The following HFM1 variants were observed in gnomAD, a reference collection of about 807,000 sequenced individuals.
HFM1 encodes helicase for meiosis 1.
In HFM1, 169 loss-of-function variants were observed where a neutral mutation model predicts 192.1. The observed-to-expected ratio is 0.88, with a 90% CI of 0.78 to 1.00. The LOEUF is 1.00. Ranked by LOEUF, HFM1 falls within the 50% of genes least tolerant of loss-of-function variation. The probability of loss-of-function intolerance (pLI) is 0.00; values close to 1 mark genes in which losing one functional copy is unlikely to be tolerated. For synonymous variants in HFM1, 525 were observed against 537.8 expected (o/e 0.98, Z 0.33); for missense variants, 1,661 against 1,668.0 (o/e 1.00, Z 0.07).
intron 13 of HFM1, 22 bp from the exon 14 acceptor site, chr1:91,353,321 T>G (rs201271285): frequency 3.6e-6 from 5 of 1,390,134 alleles, no homozygotes; most frequent in Non-Finnish European, 5.0e-6. Context: ...TACCATAAAA[T>G]TATTGAGTTA....
At chr1:91,305,577 C>CT (rs1040368753) in intron 30 of HFM1, among the ~76,000 whole-genome samples, 30 of 148,072 alleles carry the variant, frequency 2.0e-4, no homozygotes, top group Admixed American at 5.4e-4. Context: ...CTTTTTTTTT[C>CT]TTTTTTTTGA....
intron 28 of HFM1, 77 bp downstream of exon 28, chr1:91,315,738 A>AT: frequency 9.5e-7 from 1 of 1,054,580 alleles, no homozygotes; most frequent in African/African-American, 1.6e-5. Context: ...TGATCTTGTT[A>AT]TTTTTTTTTC....
In HFM1 at chr1:91,349,058, C is replaced by G. The variant is rs533173141; in HGVS notation, c.2207-1582G>C. ...ATACCAGCACTTTGGGAGGCCAAGG[C>G]AGGTGGATCACCTGAGATCAGGAGT... On this transcript the variant is annotated intron_variant, in intron 18 of 38. Transcript: ENST00000370425. 2.6e-5 allele frequency among the ~76,000 whole-genome samples: 4 copies of G among 152,242 alleles called. No homozygotes were observed. In the South Asian group the frequency reaches 8.3e-4, roughly 32 times the overall value.
intron 16 of HFM1, among the ~76,000 whole-genome samples, 172 bp from the exon 17 acceptor site, chr1:91,351,815 C>G (rs1474688874): frequency 6.6e-6 from 1 of 151,812 alleles, no homozygotes; most frequent in African/African-American, 2.4e-5. Context: ...AATTTAAAAG[C>G]CTTCCAAGAG....
At chr1:91,320,720 GCT>G (rs1275378208) in intron 23 of HFM1, among the ~76,000 whole-genome samples, 2 of 152,090 alleles carry the variant, frequency 1.3e-5, no homozygotes, top group African/African-American at 2.4e-5. Context: ...CCATGGCAGG[GCT>G]CTCTGTTTCT....
chr1:91,373,522 C>T (rs1238182762), intron 13 of HFM1, among the ~76,000 whole-genome samples: 2 of 151,906 alleles, frequency 1.3e-5, no homozygotes, highest in Admixed American at 6.6e-5. Context: ...ATTGTAATCT[C>T]CAGTATTGAA....
chr1:91,385,878 C>T (rs1662147556), intron 4 of HFM1, 44 bp from the exon 5 acceptor site: 2 of 1,518,626 alleles, frequency 1.3e-6, no homozygotes, highest in Admixed American at 4.0e-5. Flanking sequence ...ACGTGTAACA[C>T]TTGCTTGGAA....
intron 23 of HFM1, 55 bp from the exon 24 acceptor site, chr1:91,319,445 T>A (rs1651763610): frequency 9.3e-7 from 1 of 1,080,660 alleles, no homozygotes; most frequent in Non-Finnish European, 1.4e-6. Flanking sequence ...TATCTCCCAG[T>A]ATTTGATATC....
At chr1:91,379,522 T>A (rs977706170) in intron 8 of HFM1, among the ~76,000 whole-genome samples, 1 of 152,068 alleles carries the variant, frequency 6.6e-6, no homozygotes, top group African/African-American at 2.4e-5. Flanking sequence ...TGTCGTAAGT[T>A]TACAAATTTG....
chr1:91,274,612 A>G (rs1666627397), intron 33 of HFM1, 118 bp downstream of exon 33: 1 of 522,622 alleles, frequency 1.9e-6, no homozygotes, highest in South Asian at 3.3e-5. Flanking sequence ...CTATGGAACT[A>G]AACGATAACT....
chr1:91,283,632 T>C (rs538981786), intron 30 of HFM1, among the ~76,000 whole-genome samples: 14 of 152,334 alleles, frequency 9.2e-5, no homozygotes, highest in Non-Finnish European at 1.8e-4. Context: ...GCAAATATTT[T>C]CATAGTTTTG....
intron 30 of HFM1, 89 bp from the exon 31 acceptor site, chr1:91,277,151 T>A (rs1258586563): frequency 1.2e-4 from 74 of 640,942 alleles, no homozygotes; most frequent in Non-Finnish European, 1.8e-4. Context: ...GTTTCCTTCC[T>A]TTCAGACAAT....
Position 91,401,054 on chromosome 1 carries a change from G to A in HFM1, c.29C>T (p.Ser10Phe). 2 of 1,553,658 alleles carry A rather than the reference G, an allele frequency of 1.3e-6. No homozygotes were observed. The highest frequency in any genetic ancestry group is 1.4e-5 in the African/African-American group (1 of 70,912). Reference sequence around the variant, plus strand: ...TTTTTCAAAAAACAAATTTTCCAAAGAAAACAGGCAATCATTTGATTTCAG... The same window carrying A: ...TTTTTCAAAAAACAAATTTTCCAAAAAAAACAGGCAATCATTTGATTTCAG... MLKSNDCLF[S>F]LENLFFEKPD... Residue 10 changes from serine (S) to phenylalanine (F), a missense_variant, in exon 2 of 39, where the codon TCT becomes TTT. Physicochemically the swap from Ser to Phe is radical, Grantham distance 155. Transcript: ENST00000370425.
chr1:91,297,132 C>G (rs1647741279), intron 30 of HFM1, among the ~76,000 whole-genome samples: 1 of 152,218 alleles, frequency 6.6e-6, no homozygotes, highest in Non-Finnish European at 1.5e-5. Flanking sequence ...AAACGGCACA[C>G]CAGGAGATTA....
chr1:91,329,082 A>T, intron 20 of HFM1: 2 of 1,610,214 alleles, frequency 1.2e-6, no homozygotes, highest in Non-Finnish European at 1.7e-6. Context: ...TGACTACTGT[A>T]AGAGTATCTG....
chr1:91,346,977 C>T (rs935348325), intron 19 of HFM1, among the ~76,000 whole-genome samples: 3 of 152,004 alleles, frequency 2.0e-5, no homozygotes, highest in Non-Finnish European at 4.4e-5. Context: ...ACAAAATTAA[C>T]CAGTTGTGGT....
intron 33 of HFM1, among the ~76,000 whole-genome samples, chr1:91,274,208 G>A (rs1666589331): frequency 6.6e-6 from 1 of 151,740 alleles, no homozygotes; most frequent in South Asian, 2.1e-4. Flanking sequence ...ACCACCTAAG[G>A]CCTTCTGCTT....
chr1:91,356,016 G>T (rs944342345), intron 13 of HFM1, among the ~76,000 whole-genome samples: 1 of 151,984 alleles, frequency 6.6e-6, no homozygotes, highest in African/African-American at 2.4e-5. Context: ...CAAGACGATT[G>T]AAATCATATG....
chr1:91,311,384 G>C (rs899736533), intron 30 of HFM1, among the ~76,000 whole-genome samples: 1 of 152,130 alleles, frequency 6.6e-6, no homozygotes, highest in African/African-American at 2.4e-5. Context: ...CCAGCACTTC[G>C]GGAGGCCGAG....
Sources: allele counts gnomAD v4.1 joint callset (sites outside exome capture counted in the v4.1 genomes callset), GRCh38; gene constraint gnomAD v4.1.1; transcripts MANE v1.5; gene names NCBI Gene and HGNC (gene_info 2026-07-23, HGNC 2026-07-21).